Variants in USP16 observed in about 807,000 individuals in gnomAD.
The protein encoded by USP16 is ubiquitin specific peptidase 16.
USP16 carries 77 observed loss-of-function variants against 95.9 expected under a neutral mutation model. The observed-to-expected ratio is 0.80, with a 90% CI of 0.67 to 0.97. The LOEUF (loss-of-function observed/expected upper bound fraction) is 0.97, where lower values mean the gene tolerates loss of function less well. Ranked by LOEUF, USP16 falls within the 50% of genes least tolerant of loss-of-function variation. USP16 has a pLI of 0.00. For synonymous variants in USP16, 303 were observed against 318.2 expected (o/e 0.95, Z 0.51); for missense variants, 943 against 959.9 (o/e 0.98, Z 0.23).
chr21:29,030,147 G>A (rs1270558184), intron 2 of USP16, among the ~76,000 whole-genome samples: 2 of 151,992 alleles, frequency 1.3e-5, no homozygotes, highest in African/African-American at 4.8e-5. Context: ...CTTCCAGAAT[G>A]TGAGCTACTC....
At chr21:29,047,958 ATGTG>A (rs1314526300) in intron 14 of USP16, among the ~76,000 whole-genome samples, 2 of 150,088 alleles carry the variant, frequency 1.3e-5, no homozygotes, top group African/African-American at 5.0e-5. Flanking sequence ...ATATATATAT[ATGTG>A]TGTGTATGTA....
chr21:29,043,862 G>C (rs747680410), intron 13 of USP16, among the ~76,000 whole-genome samples: 1 of 151,632 alleles, frequency 6.6e-6, no homozygotes, highest in East Asian at 1.9e-4. Context: ...CTTAATTTTC[G>C]AGTTAATATT....
chr21:29,052,298 A>C, intron 16 of USP16: 1 of 152,228 alleles, frequency 6.6e-6, no homozygotes, highest in East Asian at 1.9e-4. Context: ...ACTGGACAAG[A>C]TATACTGGGC....
intron 1 of USP16, chr21:29,025,805 G>A: frequency 1.1e-6 from 1 of 880,968 alleles, no homozygotes; most frequent in Non-Finnish European, 1.4e-6. Context: ...AATGCAAGAA[G>A]TATTTCTTCA....
chr21:29,035,216 G>T (rs963760096), intron 4 of USP16, among the ~76,000 whole-genome samples: 1 of 151,992 alleles, frequency 6.6e-6, no homozygotes, highest in East Asian at 1.9e-4. Context: ...AGATAGGGAC[G>T]CTAAGAACAA....
At chr21:29,037,579 CTTTTTTTTTTT>C (rs71189336) in intron 6 of USP16, 116 bp downstream of exon 6, 17,905 of 184,642 alleles carry the variant, frequency 0.097, 318 homozygotes, top group Middle Eastern at 0.23. Context: ...CCAAAGAAAA[CTTTTTTTTTTT>C]TTTTTTTTTT....
At chr21:29,039,972 A>G (rs1341611685) in intron 9 of USP16, among the ~76,000 whole-genome samples, 1 of 152,114 alleles carries the variant, frequency 6.6e-6, no homozygotes, top group African/African-American at 2.4e-5. Flanking sequence ...AGAGTCAGGG[A>G]ACATTGGTTG....
At chr21:29,041,473 A>T (rs1187581551) in intron 10 of USP16, among the ~76,000 whole-genome samples, 3 of 152,214 alleles carry the variant, frequency 2.0e-5, no homozygotes, top group Non-Finnish European at 4.4e-5. Flanking sequence ...GAGCATAGGA[A>T]AATAAAAGGA....
At chr21:29,032,121 T>G (rs1460298647) in intron 3 of USP16, among the ~76,000 whole-genome samples, 1 of 152,212 alleles carries the variant, frequency 6.6e-6, no homozygotes. Context: ...GCCACCACTC[T>G]CTGCAGCCCC....
intron 9 of USP16, among the ~76,000 whole-genome samples, chr21:29,040,174 T>C (rs1008367903): frequency 4.6e-5 from 7 of 152,166 alleles, no homozygotes; most frequent in Non-Finnish European, 7.4e-5. Context: ...GATACTGTGA[T>C]TTTTTCCTAT....
Position 29,034,907 on chromosome 21 carries a change from G to A in USP16, c.311G>A (p.Cys104Tyr), listed in dbSNP as rs2085131880. 1 of 1,613,986 alleles carries A rather than the reference G, an allele frequency of 6.2e-7. No individual in the cohort carries two copies. Among genetic ancestry groups the A allele is most frequent in the Admixed American group, 1.7e-5 (1 of 60,002 alleles). The change falls in exon 4 of 18, where the codon TGT becomes TAT. Residue 104 changes from cysteine to tyrosine, a missense_variant. Transcript: ENST00000399976. ...CTGACGCCAAGATCTGAACCTCACT[G>A]TCTGGTTCTTAGTTTGGACAACTGG... ...HYLTPRSEPH[C>Y]LVLSLDNWSV...
intron 5 of USP16, 47 bp downstream of exon 5, chr21:29,036,421 A>G: frequency 1.2e-5 from 18 of 1,533,740 alleles, no homozygotes; most frequent in Non-Finnish European, 1.5e-5. Flanking sequence ...CGATTTGTGT[A>G]TCTGCTGATA....
intron 4 of USP16, among the ~76,000 whole-genome samples, chr21:29,035,752 T>C (rs960562911): frequency 6.6e-6 from 1 of 151,568 alleles, no homozygotes; most frequent in Admixed American, 6.6e-5. Context: ...CCATCTCTAC[T>C]AAAAATACAA....
chr21:29,036,774 A>G (rs1197756953), intron 5 of USP16, among the ~76,000 whole-genome samples: 2 of 152,246 alleles, frequency 1.3e-5, no homozygotes, highest in Non-Finnish European at 2.9e-5. Context: ...CTTTCCATGC[A>G]TAATTAAATT....
intron 10 of USP16, among the ~76,000 whole-genome samples, chr21:29,041,275 G>A (rs991454800): frequency 3.3e-5 from 5 of 152,114 alleles, no homozygotes; most frequent in Non-Finnish European, 7.4e-5. Context: ...TGCCTCCTTG[G>A]TGCCCTTTAG....
At chr21:29,043,228 T>C (rs2085270557) in intron 12 of USP16, 195 bp from the exon 13 acceptor site, 2 of 361,138 alleles carry the variant, frequency 5.5e-6, no homozygotes, top group Non-Finnish European at 9.7e-6. Context: ...GTTGGTTTGC[T>C]TGTTTTCTCA....
chr21:29,036,349 A>T lies in USP16; in HGVS notation c.423A>T (p.Gln141His), dbSNP rs2274802. Reference sequence around the variant, plus strand: ...AAGTGGTTGATTATGTCAGAAAACAAGCCAGCATTACAACTCCAAAGCCAG... The same window carrying T: ...AAGTGGTTGATTATGTCAGAAAACATGCCAGCATTACAACTCCAAAGCCAG... Reference protein sequence around the residue: ...LGQVVDYVRKQASITTPKPAE... With the variant: ...LGQVVDYVRKHASITTPKPAE... The change falls in exon 5 of 18, where the codon CAA (glutamine) becomes CAT (histidine). Residue 141 changes from glutamine to histidine, a missense_variant. Physicochemically the swap from Gln to His is conservative, Grantham distance 24. Coordinates refer to ENST00000399976, the MANE Select transcript of USP16 (RefSeq NM_006447.3). 372,035 of 1,612,860 alleles carry T rather than the reference A, an allele frequency of 0.23. 45,233 individuals are homozygous for T. The highest frequency in any genetic ancestry group is 0.24 in the Non-Finnish European group (287,430 of 1,179,244).
chr21:29,045,096 G>T (rs1226425877), intron 13 of USP16, among the ~76,000 whole-genome samples: 2 of 152,242 alleles, frequency 1.3e-5, no homozygotes, highest in Admixed American at 6.5e-5. Context: ...ATATAAATTA[G>T]ATTAAGCATA....
chr21:29,046,247 C>T (rs1034068867), intron 13 of USP16, among the ~76,000 whole-genome samples: 3 of 152,152 alleles, frequency 2.0e-5, no homozygotes, highest in Admixed American at 2.0e-4. Context: ...AGTGATCCTC[C>T]CACCTCAACC....
Sources: allele counts gnomAD v4.1 joint callset (sites outside exome capture counted in the v4.1 genomes callset), GRCh38; gene constraint gnomAD v4.1.1; transcripts MANE v1.5; gene names NCBI Gene and HGNC (gene_info 2026-07-23, HGNC 2026-07-21).